KIAA1217: variants seen among roughly 807,000 people sequenced by gnomAD.
KIAA1217 encodes sickle tail protein homolog.
In KIAA1217, 88 loss-of-function variants were observed where a neutral mutation model predicts 163.9. The ratio of observed to expected loss-of-function variants is 0.54; its 90% CI spans 0.45 to 0.64. The LOEUF is 0.64. Among genes scored for constraint, KIAA1217 ranks in the 30% least tolerant of loss-of-function variants. The pLI, the probability that KIAA1217 is intolerant of heterozygous loss-of-function variation, is 0.00. For missense variants in KIAA1217, 2,372 were observed against 2,475.0 expected, an observed-to-expected ratio of 0.96 and a Z score of 0.88; for synonymous variants, 903 against 923.1, an observed-to-expected ratio of 0.98 and a Z score of 0.39.
At chr10:24,120,575 G>A (rs2063243848) in intron 2 of KIAA1217, among the ~76,000 whole-genome samples, 1 of 152,168 alleles carries the variant, frequency 6.6e-6, no homozygotes, top group South Asian at 2.1e-4. Context: ...CTTTACAAAA[G>A]GGAGCCATGA....
intron 3 of KIAA1217, among the ~76,000 whole-genome samples, chr10:24,411,631 T>G (rs1377939507): frequency 2.6e-5 from 4 of 152,206 alleles, no homozygotes; most frequent in Non-Finnish European, 5.9e-5. Flanking sequence ...TGTGTACATA[T>G]ACACACAGAT....
intron 2 of KIAA1217, among the ~76,000 whole-genome samples, chr10:24,377,964 CAG>C (rs1213006972): frequency 6.6e-6 from 1 of 152,156 alleles, no homozygotes; most frequent in African/African-American, 2.4e-5. Flanking sequence ...GTACTGGAAA[CAG>C]AAAGTGGGAA....
rs988501553 is a variant in KIAA1217, at chr10:24,433,687, C to G, written c.752+494C>G. Among the ~76,000 whole-genome samples, 4 of 152,128 alleles carry G rather than the reference C, an allele frequency of 2.6e-5. 1 individual carries two copies. Among genetic ancestry groups the G allele is most frequent in the Admixed American group, 2.6e-4 (4 of 15,258 alleles). ...AGTACTTCATTCATATTGGAACTTT[C>G]CCAATTCCCCCTCAAGTGTTCTTTC... On this transcript the variant is annotated intron_variant, in intron 4 of 20. Coordinates refer to ENST00000376454, the MANE Select transcript of KIAA1217 (RefSeq NM_019590.5).
chr10:24,046,392 CAG>C (rs1381109791), intron 2 of KIAA1217, among the ~76,000 whole-genome samples: 1 of 152,116 alleles, frequency 6.6e-6, no homozygotes, highest in African/African-American at 2.4e-5. Context: ...AGGAAACAGA[CAG>C]AGAGTGTATT....
At chr10:24,527,073 T>G (rs181972433) in intron 13 of KIAA1217, among the ~76,000 whole-genome samples, 1 of 152,164 alleles carries the variant, frequency 6.6e-6, no homozygotes, top group Non-Finnish European at 1.5e-5. Context: ...TTAAAAAGTA[T>G]GCAGATGTTT....
At chr10:24,271,698 T>A (rs2076785684) in intron 2 of KIAA1217, among the ~76,000 whole-genome samples, 1 of 151,504 alleles carries the variant, frequency 6.6e-6, no homozygotes, top group Non-Finnish European at 1.5e-5. Context: ...GGCTGCAGTG[T>A]GTCGAGATTG....
intron 2 of KIAA1217, among the ~76,000 whole-genome samples, chr10:24,139,653 G>A (rs1227959652): frequency 6.6e-6 from 1 of 151,834 alleles, no homozygotes. Flanking sequence ...ATTTATTTTG[G>A]CCTTAATTTT....
At chr10:23,908,042 G>T (rs1842245780) in intron 1 of KIAA1217, among the ~76,000 whole-genome samples, 2 of 152,104 alleles carry the variant, frequency 1.3e-5, no homozygotes, top group Non-Finnish European at 2.9e-5. Context: ...TAAAGAGTTT[G>T]CATTTGCAAT....
At position 23,695,572 on chromosome 10, in the gene KIAA1217, C is replaced by G. The variant is rs1188026336; in HGVS notation, c.-321+338C>G. Among the ~76,000 whole-genome samples, 1 of 152,110 alleles carries G rather than the reference C, an allele frequency of 6.6e-6. No individual in the cohort carries two copies. The highest frequency in any genetic ancestry group is 1.5e-5 in the Non-Finnish European group (1 of 68,016). ...TATCCTGGTGACCTTGGCGTGCCCC[C>G]CTGGAGTGGCGAGCCAGGGGCTTAT... On this transcript the variant is annotated intron_variant, in intron 1 of 18. Coordinates refer to the KIAA1217 transcript ENST00000376462. This position sits in a 1 kb window ranked among gnomAD's most constrained non-coding sequence, Gnocchi z 4.9.
At chr10:24,307,431 G>C (rs1377837914) in intron 2 of KIAA1217, among the ~76,000 whole-genome samples, 3 of 152,066 alleles carry the variant, frequency 2.0e-5, no homozygotes, top group Non-Finnish European at 4.4e-5. Flanking sequence ...AACAGCCTTC[G>C]TGTACACACT....
chr10:23,754,349 A>G (rs1235086498), intron 1 of KIAA1217, among the ~76,000 whole-genome samples: 1 of 152,232 alleles, frequency 6.6e-6, no homozygotes, highest in African/African-American at 2.4e-5. Flanking sequence ...AAAAGCAATC[A>G]GGATGACTGT....
intron 2 of KIAA1217, among the ~76,000 whole-genome samples, chr10:24,242,232 T>A (rs1564328379): frequency 6.6e-6 from 1 of 152,206 alleles, no homozygotes; most frequent in Non-Finnish European, 1.5e-5. Flanking sequence ...GGTAGTTTTT[T>A]AACCCACATC....
At chr10:24,220,325 T>A (rs2069409049) in intron 2 of KIAA1217, among the ~76,000 whole-genome samples, 1 of 152,184 alleles carries the variant, frequency 6.6e-6, no homozygotes, top group South Asian at 2.1e-4. Context: ...AATGAAGTAA[T>A]GAATGAATGA....
intron 1 of KIAA1217, among the ~76,000 whole-genome samples, chr10:23,931,345 A>G (rs1453428401): frequency 1.3e-5 from 2 of 152,156 alleles, no homozygotes; most frequent in Non-Finnish European, 1.5e-5. Context: ...ATTTGAATCT[A>G]GAATCTGGGG....
At chr10:23,817,715 C>T (rs1322725660) in intron 1 of KIAA1217, among the ~76,000 whole-genome samples, 11 of 151,688 alleles carry the variant, frequency 7.3e-5, no homozygotes, top group South Asian at 4.2e-4. Flanking sequence ...ACTTTGGTTA[C>T]GGTGTTACAG....
chr10:24,429,401 CTG>C (rs1166268369), intron 3 of KIAA1217, among the ~76,000 whole-genome samples: 1 of 152,128 alleles, frequency 6.6e-6, no homozygotes, highest in Non-Finnish European at 1.5e-5. Context: ...TTGGAAAACT[CTG>C]TTTTTTCTGA....
intron 6 of KIAA1217, 117 bp downstream of exon 6, chr10:24,474,177 C>A: frequency 1.4e-6 from 1 of 731,522 alleles, no homozygotes; most frequent in Non-Finnish European, 2.2e-6. Flanking sequence ...TGCAGCATGT[C>A]CTGTGGATGC....
At chr10:24,452,215 A>G (rs1260609383) in intron 5 of KIAA1217, among the ~76,000 whole-genome samples, 1 of 152,194 alleles carries the variant, frequency 6.6e-6, no homozygotes, top group African/African-American at 2.4e-5. Context: ...TGCAGAAGTC[A>G]TAGATACTCT....
Position 24,533,902 on chromosome 10 carries a change from G to A in KIAA1217, c.3414+665G>A, listed in dbSNP as rs185140160. 1.1e-4 allele frequency among the ~76,000 whole-genome samples: 16 copies of A among 152,294 alleles called. No homozygotes were observed. The East Asian group carries it at 1.3e-3, about 13-fold the overall frequency. On this transcript the variant is annotated intron_variant, in intron 16 of 20. Coordinates refer to ENST00000376454, the MANE Select transcript of KIAA1217 (RefSeq NM_019590.5). ...AAAACTGATCCCACATTCCCATCAC[G>A]GATGTGATTCTACCCCAGGTCTATG...
Sources: allele counts gnomAD v4.1 joint callset (sites outside exome capture counted in the v4.1 genomes callset), GRCh38; gene constraint gnomAD v4.1.1; non-coding constraint Gnocchi (gnomAD v3.1); transcripts MANE v1.5; gene names NCBI Gene and HGNC (gene_info 2026-07-23, HGNC 2026-07-21).